SELENOI: variants seen among roughly 807,000 people sequenced by gnomAD.
The protein encoded by SELENOI is ethanolaminephosphotransferase 1.
A neutral mutation model predicts 50.7 loss-of-function variants in SELENOI; 24 were observed. That is an observed-to-expected ratio of 0.47 (90% CI 0.34 to 0.67). The LOEUF (loss-of-function observed/expected upper bound fraction) is 0.67. Among genes scored for constraint, SELENOI ranks in the 30% least tolerant of loss-of-function variants. The pLI is 0.01. For synonymous variants in SELENOI, 155 were observed against 170.2 expected, an observed-to-expected ratio of 0.91 and a Z score of 0.70; for missense variants, 352 against 461.4, an observed-to-expected ratio of 0.76 and a Z score of 2.17.
rs541724034 is a variant in SELENOI at position 26,385,075 on chromosome 2, A to C, written c.848A>C (p.Asp283Ala). The change falls in exon 8 of 10, where the codon GAT (aspartate) becomes GCT (alanine). Residue 283 changes from aspartate to alanine, a missense_variant. Coordinates refer to ENST00000260585, the MANE Select transcript of SELENOI (RefSeq NM_033505.4). The part of the protein sequence containing the change: ...STAWILWSPS[D>A]ILELHPRVFY... The stretch of plus-strand genomic sequence containing the variant: ...GCGTGGATCCTTTGGTCACCTTCAG[A>C]TATTTTAGAGCTACATCCTAGAGTA... The C allele has an allele frequency of 1.1e-5, 17 of 1,612,928 alleles. No homozygotes were observed. The African/African-American group carries it at 2.3e-4, about 22-fold the overall frequency.
rs1678047822 is a variant in SELENOI at position 26,394,667 on chromosome 2, T to C, written c.*5564T>C. On this transcript the variant is annotated 3_prime_UTR_variant, in exon 10 of 10. Coordinates refer to ENST00000260585, the MANE Select transcript of SELENOI (RefSeq NM_033505.4). The surrounding 1 kb of genome is among the most constrained non-coding windows in gnomAD (Gnocchi z 4.1). ...GGGTGTTTTTTTTTTTAAAGTAGCA[T>C]TTTCTCTGGGTAAAGGGAAAGGCAA... 6.6e-6 allele frequency: 1 copy of C among 151,984 alleles called. No individual in the cohort carries two copies. The allele number at this position is 151,984 out of a possible 1,614,324, so 9.4% of individuals were successfully genotyped here.
intron 4 of SELENOI, among the ~76,000 whole-genome samples, chr2:26,367,448 C>G (rs1426395245): frequency 6.6e-6 from 1 of 152,114 alleles, no homozygotes; most frequent in Non-Finnish European, 1.5e-5. Context: ...TACTTGTGGG[C>G]CAAATTTGGT....
chr2:26,378,418 G>T (rs1248840856), intron 6 of SELENOI, among the ~76,000 whole-genome samples: 1 of 152,128 alleles, frequency 6.6e-6, no homozygotes, highest in Non-Finnish European at 1.5e-5. Context: ...TGGGGTCTCC[G>T]ATTTGCTTGC....
Position 26,392,945 on chromosome 2 carries a change from C to T in SELENOI, c.*3842C>T, listed in dbSNP as rs1678003575. 6.6e-6 allele frequency: 1 copy of T among 152,268 alleles called. No individual in the cohort carries two copies. The highest frequency in any genetic ancestry group is 2.1e-4 in the South Asian group (1 of 4,832). 9.4% of individuals were successfully genotyped at this position (152,268 alleles called of 1,614,324 possible). A position where few individuals can be genotyped will look rare whatever the true frequency, so the allele number is the denominator to read the frequency against. ...TAGAACCTTCCAGGAAGAATTTTAA[C>T]TAGTATGCTACATTTGAAGCACTCT... is the stretch of plus-strand genomic sequence containing the variant. On this transcript the variant is annotated 3_prime_UTR_variant, in exon 10 of 10. Coordinates refer to ENST00000260585, the MANE Select transcript of SELENOI (RefSeq NM_033505.4).
At position 26,386,534 on chromosome 2, in the gene SELENOI, G is replaced by A. The variant is rs557636948; in HGVS notation, c.1093G>A (p.Val365Met). ...TLAHIHYGVR[V>M]VKQLSSHFQI... ...GGCCCACATCCATTATGGAGTACGAGTGGTGAGTAATCTACAGCAAAATGG... is the reference window on the plus strand; with the variant it reads ...GGCCCACATCCATTATGGAGTACGAATGGTGAGTAATCTACAGCAAAATGG... The change falls in exon 9 of 10, where the codon GTG (valine) becomes ATG (methionine). Residue 365 changes from valine to methionine, a missense_variant and splice_region_variant. Coordinates refer to ENST00000260585, the MANE Select transcript of SELENOI (RefSeq NM_033505.4). The A allele has an allele frequency of 2.0e-5, 32 of 1,594,906 alleles. No individual in the cohort carries two copies. The South Asian group carries it at 3.4e-4, about 17-fold the overall frequency.
intron 1 of SELENOI, among the ~76,000 whole-genome samples, chr2:26,353,627 G>C (rs1377591412): frequency 1.3e-5 from 2 of 152,136 alleles, no homozygotes; most frequent in Non-Finnish European, 2.9e-5. Context: ...TATTCTAGTT[G>C]TCTTAGATAG....
chr2:26,387,907 A>T (rs1421777315), intron 9 of SELENOI, among the ~76,000 whole-genome samples: 1 of 152,150 alleles, frequency 6.6e-6, no homozygotes, highest in East Asian at 1.9e-4. Context: ...GAAACAAAAT[A>T]TCTTCTGTAT....
intron 1 of SELENOI, among the ~76,000 whole-genome samples, chr2:26,352,494 A>C (rs918467911): frequency 6.6e-6 from 1 of 152,126 alleles, no homozygotes; most frequent in Non-Finnish European, 1.5e-5. Context: ...TTCAAAAATT[A>C]GTATCTCTAG....
At chr2:26,388,689 T>C (rs1274208612) in intron 9 of SELENOI, among the ~76,000 whole-genome samples, 2 of 152,222 alleles carry the variant, frequency 1.3e-5, no homozygotes, top group Non-Finnish European at 2.9e-5. Flanking sequence ...AGTCTAACTA[T>C]AAATATGATT....
At chr2:26,385,975 T>C (rs1048203523) in intron 8 of SELENOI, among the ~76,000 whole-genome samples, 2 of 152,190 alleles carry the variant, frequency 1.3e-5, no homozygotes, top group African/African-American at 4.8e-5. Context: ...TTCTTCATCA[T>C]TGCCATAAAG....
intron 1 of SELENOI, among the ~76,000 whole-genome samples, chr2:26,361,728 A>C (rs1006853381): frequency 1.3e-5 from 2 of 151,174 alleles, no homozygotes; most frequent in Non-Finnish European, 2.9e-5. Flanking sequence ...ATCTTGGCTC[A>C]CTGCAGCCTG....
Position 26,367,231 on chromosome 2 carries a change from G to A in SELENOI, c.310+11G>A, listed in dbSNP as rs760547638. 6.3e-7 allele frequency: 1 copy of A among 1,596,954 alleles called. No individual in the cohort carries two copies. Among genetic ancestry groups the A allele is most frequent in the African/African-American group, 1.3e-5 (1 of 74,816 alleles). ...TAGCCTACACTCTAGGTAAGGAATTGGTAAATACTTACTATAGTCAGTGAC... is the reference window on the plus strand; with the variant it reads ...TAGCCTACACTCTAGGTAAGGAATTAGTAAATACTTACTATAGTCAGTGAC... On this transcript the variant is annotated intron_variant, in intron 4 of 9. Transcript: ENST00000260585.
At position 26,380,551 on chromosome 2, in the gene SELENOI, T is replaced by C. The variant is rs1437160124; in HGVS notation, c.683-2748T>C. ...CCCTATCAATAGACATTTGGGTTAG[T>C]TCCAGTTTTTGCTGTTGTACAAATT... On this transcript the variant is annotated intron_variant, in intron 6 of 9. Coordinates refer to ENST00000260585, the MANE Select transcript of SELENOI (RefSeq NM_033505.4). Among the ~76,000 whole-genome samples, 16 of 152,320 alleles carry C rather than the reference T, an allele frequency of 1.1e-4. No homozygotes were observed. In the East Asian group the frequency reaches 3.1e-3, roughly 29 times the overall value.
At chr2:26,354,561 T>G (rs1050720547) in intron 1 of SELENOI, among the ~76,000 whole-genome samples, 41 of 129,528 alleles carry the variant, frequency 3.2e-4, no homozygotes, top group East Asian at 1.2e-3. Context: ...TAATTTTTTG[T>G]TTTTTTTTTT....
chr2:26,370,522 TGGCCGGGCAGAGG>T (rs1386801130), intron 4 of SELENOI, among the ~76,000 whole-genome samples: 478 of 140,582 alleles, frequency 3.4e-3, no homozygotes, highest in East Asian at 0.013. Context: ...ACGGGGCGGC[TGGCCGGGCAGAGG>T]GGCTCCTCAC....
At chr2:26,368,102 C>G (rs946275929) in intron 4 of SELENOI, among the ~76,000 whole-genome samples, 3 of 152,174 alleles carry the variant, frequency 2.0e-5, no homozygotes, top group Non-Finnish European at 4.4e-5. Context: ...TAGATCTCTT[C>G]AGATAAAAGT....
intron 9 of SELENOI, among the ~76,000 whole-genome samples, chr2:26,386,849 C>A (rs1381048220): frequency 6.6e-6 from 1 of 151,964 alleles, no homozygotes; most frequent in African/African-American, 2.4e-5. Context: ...GTAAACTGAG[C>A]CTTTAGTTAT....
At chr2:26,371,956 T>G (rs773278913) in intron 4 of SELENOI, among the ~76,000 whole-genome samples, 1 of 152,148 alleles carries the variant, frequency 6.6e-6, no homozygotes, top group East Asian at 1.9e-4. Context: ...TTATCTCTTA[T>G]CAGCTGAAAT....
chr2:26,395,753 G>A lies in SELENOI; in HGVS notation c.*6650G>A, dbSNP rs929248652. The stretch of plus-strand genomic sequence containing the variant: ...TTCTGGAAGCCTTGCCCTTTCAACT[G>A]GATTTATGTTTGTTTCTGCTGCTGT... On this transcript the variant is annotated 3_prime_UTR_variant, in exon 10 of 10. Coordinates refer to ENST00000260585, the MANE Select transcript of SELENOI (RefSeq NM_033505.4). 6.6e-6 allele frequency: 1 copy of A among 152,530 alleles called. No homozygotes were observed. Among genetic ancestry groups the A allele is most frequent in the Non-Finnish European group, 1.5e-5 (1 of 68,030 alleles). The allele number at this position is 152,530 out of a possible 1,614,324, so 9.4% of individuals were successfully genotyped here. A position where few individuals can be genotyped will look rare whatever the true frequency, so the allele number is the denominator to read the frequency against.
Sources: gnomAD v4.1 joint callset for allele counts (sites outside exome capture counted in the v4.1 genomes callset) on GRCh38, gnomAD v4.1.1 for gene constraint, Gnocchi (gnomAD v3.1) non-coding constraint, MANE v1.5 for transcripts, NCBI Gene and HGNC (gene_info 2026-07-23, HGNC 2026-07-21) for gene names.